The following WASF3 variants were observed in gnomAD, a reference collection of about 807,000 sequenced individuals.
WASF3 encodes actin-binding protein WASF3.
A neutral mutation model predicts 46.6 loss-of-function variants in WASF3; 11 were observed. The ratio of observed to expected loss-of-function variants is 0.24; its 90% CI spans 0.15 to 0.39. WASF3 has a LOEUF of 0.39. WASF3 is among the 10% of genes least tolerant of loss of function. The pLI is 1.00. For synonymous variants in WASF3, 242 were observed against 259.7 expected (o/e 0.93, Z 0.65); for missense variants, 576 against 669.8 (o/e 0.86, Z 1.55).
At chr13:26,548,617 G>C in the WASF3 span, among the ~76,000 whole-genome samples, 38 of 152,298 alleles carry the variant, frequency 2.5e-4, no homozygotes, top group African/African-American at 8.7e-4. Context: ...TTGGTGAACT[G>C]ATTAAACTGC....
chr13:26,649,454 T>C (rs909118103), intron 3 of WASF3, among the ~76,000 whole-genome samples: 1 of 152,110 alleles, frequency 6.6e-6, no homozygotes, highest in African/African-American at 2.4e-5. Context: ...AGCTTGGAAG[T>C]CACTCCTGTC....
intron 3 of WASF3, among the ~76,000 whole-genome samples, chr13:26,652,638 T>G (rs928544191): frequency 1.3e-5 from 2 of 152,194 alleles, no homozygotes; most frequent in African/African-American, 4.8e-5. Context: ...TTTAAAAGAT[T>G]AATATACAGA....
At chr13:26,555,527 G>C (rs1879078432), upstream of WASF3, among the ~76,000 whole-genome samples, 1 of 152,034 alleles carries the variant, frequency 6.6e-6, no homozygotes, top group South Asian at 2.1e-4. Flanking sequence ...AGAAGGTGCT[G>C]GGTAAAGCTT....
At chr13:26,576,498 G>T (rs1809991668) in intron 1 of WASF3, among the ~76,000 whole-genome samples, 1 of 152,164 alleles carries the variant, frequency 6.6e-6, no homozygotes, top group Non-Finnish European at 1.5e-5. Flanking sequence ...GTCTGAAGTG[G>T]TACGTGGGCT....
chr13:26,588,916 G>A (rs1032969568), intron 1 of WASF3, among the ~76,000 whole-genome samples: 1 of 152,004 alleles, frequency 6.6e-6, no homozygotes, highest in African/African-American at 2.4e-5. Context: ...TCCCACCTCA[G>A]CCTCCCAAGT....
chr13:26,647,729 CAAAG>C (rs1380411776), intron 3 of WASF3, among the ~76,000 whole-genome samples: 1 of 147,312 alleles, frequency 6.8e-6, no homozygotes, highest in East Asian at 2.0e-4. Context: ...CAGGATGTCA[CAAAG>C]AAAGGAGTTA....
At chr13:26,623,603 C>T (rs1881372843) in intron 2 of WASF3, among the ~76,000 whole-genome samples, 1 of 152,094 alleles carries the variant, frequency 6.6e-6, no homozygotes, top group Non-Finnish European at 1.5e-5. Flanking sequence ...CTTTCATGCC[C>T]AAGACAGGGA....
Position 26,575,517 on chromosome 13 carries a change from T to C in WASF3, c.-109+17698T>C, listed in dbSNP as rs758869394. Among the ~76,000 whole-genome samples the C allele has an allele frequency of 2.6e-5, 4 of 152,350 alleles. No individual in the cohort carries two copies. In the South Asian group the frequency reaches 6.2e-4, roughly 24 times the overall value. ...TGCATCTAGGATTCTATTAGTTGTA[T>C]AATGTTCTTGGCAGAACTGAGAACA... is the stretch of plus-strand genomic sequence containing the variant. On this transcript the variant is annotated intron_variant, in intron 1 of 9. Transcript: ENST00000335327.
intron 1 of WASF3, among the ~76,000 whole-genome samples, chr13:26,574,814 G>A (rs888405029): frequency 2.7e-5 from 4 of 150,470 alleles, no homozygotes; most frequent in Non-Finnish European, 4.4e-5. Context: ...CATTGAATTC[G>A]TACTTTTGTA....
At chr13:26,602,759 T>G (rs930096343) in intron 1 of WASF3, among the ~76,000 whole-genome samples, 1 of 152,248 alleles carries the variant, frequency 6.6e-6, no homozygotes, top group Non-Finnish European at 1.5e-5. Flanking sequence ...TTGGAGTATT[T>G]AAAAATTGTC....
the WASF3 span, among the ~76,000 whole-genome samples, chr13:26,545,017 G>A: frequency 2.0e-5 from 3 of 152,218 alleles, no homozygotes; most frequent in African/African-American, 4.8e-5. Flanking sequence ...AAAAAGAGTC[G>A]TGATTGTCAG....
Position 26,688,475 on chromosome 13 carries a change from TC to T in WASF3, c.*2634del, listed in dbSNP as rs1883478481. 2 of 152,242 alleles carry T rather than the reference TC, an allele frequency of 1.3e-5. No individual in the cohort carries two copies. Among genetic ancestry groups the T allele is most frequent in the Admixed American group, 1.3e-4 (2 of 15,286 alleles). 9.4% of individuals were successfully genotyped at this position (152,242 alleles called of 1,614,324 possible). ...GGGAAGGGATGGGAAGATTGCCCAG[TC>T]CCCGATGGCTGCGCACACAGGAGGC... On this transcript the variant is annotated 3_prime_UTR_variant, in exon 10 of 10. Coordinates refer to ENST00000335327, the MANE Select transcript of WASF3 (RefSeq NM_006646.6).
chr13:26,628,994 GA>G (rs1881565881), intron 2 of WASF3, among the ~76,000 whole-genome samples: 1 of 152,186 alleles, frequency 6.6e-6, no homozygotes, highest in South Asian at 2.1e-4. Context: ...AGTGTGCCTT[GA>G]AAAGGCTGGC....
At chr13:26,553,185 G>C (rs1304574359), upstream of WASF3, among the ~76,000 whole-genome samples, 1 of 152,176 alleles carries the variant, frequency 6.6e-6, no homozygotes, top group Non-Finnish European at 1.5e-5. Context: ...GGATTTCACA[G>C]AACACTGACA....
chr13:26,562,086 A>G (rs1879312177), intron 1 of WASF3, among the ~76,000 whole-genome samples: 1 of 152,224 alleles, frequency 6.6e-6, no homozygotes, highest in South Asian at 2.1e-4. Context: ...TGAGACTCCA[A>G]GGGTGCGGTG....
At chr13:26,645,433 T>C (rs936707651) in intron 3 of WASF3, among the ~76,000 whole-genome samples, 8 of 152,314 alleles carry the variant, frequency 5.3e-5, no homozygotes, top group African/African-American at 1.9e-4. Flanking sequence ...TAGCTCAAAT[T>C]GCCTGTGACA....
chr13:26,620,999 C>T (rs1273894703), intron 2 of WASF3, among the ~76,000 whole-genome samples: 1 of 152,184 alleles, frequency 6.6e-6, no homozygotes, highest in Non-Finnish European at 1.5e-5. Context: ...TGGTGGAATG[C>T]TGCTTCTAAG....
At chr13:26,651,958 C>T (rs1041304359) in intron 3 of WASF3, among the ~76,000 whole-genome samples, 1 of 151,936 alleles carries the variant, frequency 6.6e-6, no homozygotes, top group Admixed American at 6.6e-5. Flanking sequence ...AAATGAAATC[C>T]TAAAATAATG....
rs1298357496 is a variant in WASF3, at chr13:26,687,570, T to C, written c.*1725T>C. ...CCCCTTTCCAAGGCTGCTTCCCTGGTGTGTCTGTTCTCTCCTCTGTCCCAG... is the reference window on the plus strand; with the variant it reads ...CCCCTTTCCAAGGCTGCTTCCCTGGCGTGTCTGTTCTCTCCTCTGTCCCAG... On this transcript the variant is annotated 3_prime_UTR_variant, in exon 10 of 10. Transcript: ENST00000335327. 1.3e-5 allele frequency: 2 copies of C among 152,326 alleles called. No homozygotes were observed. Among genetic ancestry groups the C allele is most frequent in the Non-Finnish European group, 2.9e-5 (2 of 68,164 alleles). 9.4% of individuals were successfully genotyped at this position (152,326 alleles called of 1,614,324 possible).
Sources: gnomAD v4.1 joint callset for allele counts (sites outside exome capture counted in the v4.1 genomes callset) on GRCh38, gnomAD v4.1.1 for gene constraint, MANE v1.5 for transcripts, NCBI Gene and HGNC (gene_info 2026-07-23, HGNC 2026-07-21) for gene names.